NPSR1: variants seen among roughly 807,000 people sequenced by gnomAD.
NPSR1 encodes neuropeptide S receptor.
A neutral mutation model predicts 46.9 loss-of-function variants in NPSR1; 48 were observed. The observed-to-expected ratio is 1.02, with a 90% confidence interval of 0.81 to 1.30. The LOEUF is 1.30. Among genes scored for constraint, NPSR1 ranks in the 50% most tolerant of loss-of-function variants. NPSR1 has a pLI of 0.00. For missense variants in NPSR1, 450 were observed against 449.5 expected (o/e 1.00, Z -0.01); for synonymous variants, 176 against 168.1 (o/e 1.05, Z -0.36).
chr7:34,868,801 A>T (rs1366957861), intron 8 of NPSR1, among the ~76,000 whole-genome samples: 1 of 151,604 alleles, frequency 6.6e-6, no homozygotes, highest in East Asian at 1.9e-4. Context: ...GAAGTCTGTG[A>T]GGCATTAGGA....
chr7:34,850,617 G>T (rs1180557887), downstream of NPSR1, among the ~76,000 whole-genome samples: 1 of 152,068 alleles, frequency 6.6e-6, no homozygotes, highest in African/African-American at 2.4e-5. Flanking sequence ...AGCCAGGATG[G>T]TCTCAATCTC....
At chr7:34,866,127 T>C (rs1791309543) in intron 8 of NPSR1, among the ~76,000 whole-genome samples, 1 of 151,878 alleles carries the variant, frequency 6.6e-6, no homozygotes, top group African/African-American at 2.4e-5. Context: ...TAGCCCTGGA[T>C]ACTTGGACCT....
intron 5 of NPSR1, 40 bp downstream of exon 5, chr7:34,827,642 G>GGT: frequency 1.7e-6 from 1 of 605,470 alleles, no homozygotes; most frequent in Admixed American, 2.3e-5. Context: ...GGGGGGTGGG[G>GGT]CGGGGGGGGC....
intron 8 of NPSR1, among the ~76,000 whole-genome samples, chr7:34,863,638 T>C (rs1461113383): frequency 2.0e-5 from 3 of 151,852 alleles, no homozygotes; most frequent in Non-Finnish European, 4.4e-5. Context: ...TCATCATCAA[T>C]TGGTCATTAG....
chr7:34,829,514 C>T (rs921067199), intron 5 of NPSR1, among the ~76,000 whole-genome samples: 1 of 152,210 alleles, frequency 6.6e-6, no homozygotes, highest in African/African-American at 2.4e-5. Context: ...TGGCTTGTGT[C>T]ATCCTGAGCA....
chr7:34,778,008 A>C (rs1787052806), intron 2 of NPSR1, among the ~76,000 whole-genome samples: 1 of 152,162 alleles, frequency 6.6e-6, no homozygotes, highest in African/African-American at 2.4e-5. Flanking sequence ...GGGCACTAAG[A>C]CTGGGCATAA....
chr7:34,684,900 C>A (rs974996280), intron 2 of NPSR1, among the ~76,000 whole-genome samples: 2 of 152,136 alleles, frequency 1.3e-5, no homozygotes, highest in Non-Finnish European at 2.9e-5. Flanking sequence ...TAACTCACTA[C>A]ACTAATGGAA....
intron 2 of NPSR1, among the ~76,000 whole-genome samples, chr7:34,729,641 T>C (rs1157965837): frequency 6.6e-6 from 1 of 152,066 alleles, no homozygotes; most frequent in Non-Finnish European, 1.5e-5. Flanking sequence ...AAGAAGATGA[T>C]TATAAAACCA....
chr7:34,779,988 T>C (rs886376384), intron 3 of NPSR1: 1 of 152,636 alleles, frequency 6.6e-6, no homozygotes, highest in African/African-American at 2.4e-5. Flanking sequence ...ACATAGGTGG[T>C]AAATTAGTAC....
At chr7:34,774,916 C>T (rs1425747334) in intron 2 of NPSR1, among the ~76,000 whole-genome samples, 2 of 152,148 alleles carry the variant, frequency 1.3e-5, no homozygotes, top group Non-Finnish European at 2.9e-5. Context: ...AGGTATCTTG[C>T]TCTATTTATT....
intron 6 of NPSR1, among the ~76,000 whole-genome samples, chr7:34,835,966 C>A (rs760904018): frequency 6.6e-6 from 1 of 152,258 alleles, no homozygotes; most frequent in South Asian, 2.1e-4. Flanking sequence ...TTTTAATGTT[C>A]AACCAGGTTT....
chr7:34,665,486 C>T (rs552106742), intron 1 of NPSR1, among the ~76,000 whole-genome samples: 1 of 152,330 alleles, frequency 6.6e-6, no homozygotes, highest in African/African-American at 2.4e-5. Flanking sequence ...ATCCTTGGGC[C>T]TGGCCTACTG....
chr7:34,849,641 C>A lies in NPSR1; in HGVS notation c.1102C>A (p.Pro368Thr). 1 of 1,614,004 alleles carries A rather than the reference C, an allele frequency of 6.2e-7. No homozygotes were observed. Among genetic ancestry groups the A allele is most frequent in the Non-Finnish European group, 8.5e-7 (1 of 1,179,898 alleles). Residue 368 changes from proline to threonine, a missense_variant, in exon 9 of 9, where the codon CCA becomes ACA. Pro to Thr is a conservative substitution (Grantham distance 38). Transcript: ENST00000360581. ...GCATGAGATGCAGATTCTGTCCAAG[C>A]CAGAATTCATCTAGACCCTAGGGCA... ...ERHEMQILSKPEFI is the reference protein window; with the variant it reads ...ERHEMQILSKTEFI
chr7:34,850,969 C>G (rs1485885437), downstream of NPSR1, among the ~76,000 whole-genome samples: 1 of 152,152 alleles, frequency 6.6e-6, no homozygotes, highest in Non-Finnish European at 1.5e-5. Flanking sequence ...TACTTATGAG[C>G]ATAATCCAAG....
At chr7:34,825,321 C>G (rs931925694) in intron 4 of NPSR1, among the ~76,000 whole-genome samples, 6 of 152,228 alleles carry the variant, frequency 3.9e-5, no homozygotes, top group Non-Finnish European at 7.3e-5. Flanking sequence ...TTCTCAGTCT[C>G]TCACCTTTCA....
chr7:34,783,444 A>C (rs10226922), intron 3 of NPSR1, among the ~76,000 whole-genome samples: 166 of 152,212 alleles, frequency 1.1e-3, no homozygotes, highest in African/African-American at 3.9e-3. Flanking sequence ...TGATTTAATT[A>C]CCTCCCACTG....
intron 2 of NPSR1, among the ~76,000 whole-genome samples, chr7:34,717,680 T>A (rs1029721815): frequency 6.6e-6 from 1 of 152,052 alleles, no homozygotes; most frequent in Non-Finnish European, 1.5e-5. Flanking sequence ...CCCAGTAGGG[T>A]CTTCAGGGTC....
At chr7:34,729,332 G>A (rs186701431) in intron 2 of NPSR1, among the ~76,000 whole-genome samples, 1 of 152,196 alleles carries the variant, frequency 6.6e-6, no homozygotes, top group African/African-American at 2.4e-5. Context: ...ATCCCAGAGA[G>A]GGGTTGAATC....
chr7:34,858,774 C>A (rs1167209748), intron 8 of NPSR1, among the ~76,000 whole-genome samples: 1 of 151,714 alleles, frequency 6.6e-6, no homozygotes, highest in Non-Finnish European at 1.5e-5. Flanking sequence ...AAGAACAGCA[C>A]AGGAAAGACC....
Sources: gnomAD v4.1 joint callset for allele counts (sites outside exome capture counted in the v4.1 genomes callset) on GRCh38, gnomAD v4.1.1 for gene constraint, MANE v1.5 for transcripts, NCBI Gene and HGNC (gene_info 2026-07-23, HGNC 2026-07-21) for gene names.